EVI5: variants seen among roughly 807,000 people sequenced by gnomAD.
The protein encoded by EVI5 is ecotropic viral integration site 5.
A neutral mutation model predicts 112.0 loss-of-function variants in EVI5; 73 were observed. The observed-to-expected ratio is 0.65, with a 90% CI of 0.54 to 0.79. The LOEUF is 0.79. EVI5 is among the 30% of genes least tolerant of loss of function. The pLI, the probability that EVI5 is intolerant of heterozygous loss-of-function variation, is 0.00. For synonymous variants in EVI5, 305 were observed against 319.9 expected (o/e 0.95, Z 0.50); for missense variants, 900 against 968.8 (o/e 0.93, Z 0.94).
At chr1:92,645,094 G>A (rs1364145296) in intron 13 of EVI5, among the ~76,000 whole-genome samples, 4 of 152,242 alleles carry the variant, frequency 2.6e-5, no homozygotes, top group East Asian at 1.9e-4. Flanking sequence ...CAGGGATGTC[G>A]AAGACCTGAA....
At position 92,694,246 on chromosome 1, in the gene EVI5, C is replaced by T. The variant is rs950522120; in HGVS notation, c.999+53G>A. Reference sequence around the variant, plus strand: ...CGCCACTGCACTCCAGCCTGGGCAACAGAACTAAACTCTGTCTCAAAAAAA... The same window carrying T: ...CGCCACTGCACTCCAGCCTGGGCAATAGAACTAAACTCTGTCTCAAAAAAA... On this transcript the variant is annotated intron_variant, in intron 8 of 19. Transcript: ENST00000684568. 9.1e-6 allele frequency: 10 copies of T among 1,098,340 alleles called. No homozygotes were observed. In the African/African-American group the frequency reaches 1.1e-4, roughly 12 times the overall value. 68.0% of individuals were successfully genotyped at this position (1,098,340 alleles called of 1,614,324 possible).
At position 92,610,790 on chromosome 1, in the gene EVI5, G is replaced by GA. The variant is rs916239686; in HGVS notation, c.1828-3064dup. Among the ~76,000 whole-genome samples the GA allele has an allele frequency of 2.9e-3, 434 of 147,170 alleles. 6 individuals are homozygous for GA. Among genetic ancestry groups the GA allele is most frequent in the African/African-American group, 0.01 (403 of 40,184 alleles). On this transcript the variant is annotated intron_variant, in intron 16 of 19. Coordinates refer to ENST00000684568, the MANE Select transcript of EVI5 (RefSeq NM_001350197.2). The stretch of plus-strand genomic sequence containing the variant: ...CTAATATGGGTTGCAGGATAAAATA[G>GA]AAAAAAAAAAGTGAGATATGATGGT...
chr1:92,553,274 G>A lies in EVI5; in HGVS notation c.2166+10368C>T, dbSNP rs992622404. Among the ~76,000 whole-genome samples the A allele has an allele frequency of 1.3e-5, 2 of 150,080 alleles. 1 individual carries two copies. Among genetic ancestry groups the A allele is most frequent in the African/African-American group, 4.9e-5 (2 of 40,648 alleles). ...GCCTCCCAAGTAGCTGGAACTATAG[G>A]GGCATGCCACCACACCTGGCCAATT... On this transcript the variant is annotated intron_variant, in intron 19 of 19. Coordinates refer to ENST00000684568, the MANE Select transcript of EVI5 (RefSeq NM_001350197.2).
At chr1:92,663,297 A>G (rs10747450) in intron 12 of EVI5, 123 bp downstream of exon 12, 432,170 of 471,150 alleles carry the variant, frequency 0.92, 198,485 homozygotes, top group East Asian at 0.98. Context: ...ACCACCCAAA[A>G]AATTATTTCT....
intron 4 of EVI5, among the ~76,000 whole-genome samples, chr1:92,702,886 A>C (rs1046089556): frequency 4.6e-5 from 7 of 152,208 alleles, no homozygotes; most frequent in African/African-American, 1.7e-4. Context: ...AGGATTGGCG[A>C]AATTGAAATG....
At chr1:92,781,576 T>A (rs1558254189) in intron 1 of EVI5, among the ~76,000 whole-genome samples, 2 of 152,024 alleles carry the variant, frequency 1.3e-5, no homozygotes, top group Admixed American at 6.6e-5. Context: ...TATTCTCAGG[T>A]TAGGCATTGA....
intron 9 of EVI5, among the ~76,000 whole-genome samples, chr1:92,693,592 C>T (rs547318374): frequency 1.3e-5 from 2 of 152,156 alleles, no homozygotes; most frequent in Admixed American, 6.5e-5. Context: ...TTCTAGTCAA[C>T]GTGGAAAAGG....
intron 19 of EVI5, among the ~76,000 whole-genome samples, chr1:92,547,257 G>C (rs370760387): frequency 1.2e-4 from 18 of 152,092 alleles, no homozygotes; most frequent in Admixed American, 1.0e-3. Context: ...TACTGGGTAC[G>C]TAACGAAATG....
rs78845184 is a variant in EVI5 at position 92,633,811 on chromosome 1, G to A, written c.1527+2391C>T. Among the ~76,000 whole-genome samples the A allele has an allele frequency of 2.2e-4, 33 of 152,246 alleles. No homozygotes were observed. In the East Asian group the frequency reaches 5.6e-3, roughly 26 times the overall value. On this transcript the variant is annotated intron_variant, in intron 14 of 19. Coordinates refer to ENST00000684568, the MANE Select transcript of EVI5 (RefSeq NM_001350197.2). ...TACAATTTGGCATGTTTTTGCAGTGGCTGGTACCAGCTGTTCCTTTCCATG... is the reference window on the plus strand; with the variant it reads ...TACAATTTGGCATGTTTTTGCAGTGACTGGTACCAGCTGTTCCTTTCCATG...
intron 2 of EVI5, among the ~76,000 whole-genome samples, chr1:92,730,404 G>A (rs936331836): frequency 2.6e-5 from 4 of 151,762 alleles, no homozygotes; most frequent in Admixed American, 6.6e-5. Flanking sequence ...AATGGAAAGC[G>A]GCTGGTCACA....
At chr1:92,587,188 A>G (rs897075861) in intron 18 of EVI5, among the ~76,000 whole-genome samples, 1 of 152,198 alleles carries the variant, frequency 6.6e-6, no homozygotes, top group Admixed American at 6.5e-5. Flanking sequence ...ATCCCTAATG[A>G]CTAGATAGCA....
chr1:92,561,077 TGTTTAAGTGACCAG>T (rs1224321500), intron 19 of EVI5, among the ~76,000 whole-genome samples: 1 of 152,142 alleles, frequency 6.6e-6, no homozygotes, highest in Non-Finnish European at 1.5e-5. Context: ...CACTCTGAAA[TGTTTAAGTGACCAG>T]GTTTTCTTTT....
intron 9 of EVI5, among the ~76,000 whole-genome samples, chr1:92,688,417 T>C (rs902060972): frequency 5.3e-5 from 8 of 152,162 alleles, no homozygotes; most frequent in Non-Finnish European, 1.0e-4. Context: ...TGCTTTGCTC[T>C]CTCAGGGGAT....
intron 19 of EVI5, among the ~76,000 whole-genome samples, chr1:92,561,729 A>G (rs1371210304): frequency 2.0e-5 from 3 of 151,782 alleles, no homozygotes; most frequent in Non-Finnish European, 4.4e-5. Context: ...CCTCCGCCTC[A>G]CAGGTTCAAG....
At chr1:92,699,155 A>T (rs1462950265) in intron 5 of EVI5, among the ~76,000 whole-genome samples, 1 of 151,882 alleles carries the variant, frequency 6.6e-6, no homozygotes, top group East Asian at 1.9e-4. Context: ...CAAAACCTGC[A>T]CTTCTTCCTT....
intron 18 of EVI5, among the ~76,000 whole-genome samples, chr1:92,579,936 TC>T (rs2101073933): frequency 1.3e-5 from 2 of 152,294 alleles, no homozygotes; most frequent in African/African-American, 4.8e-5. Context: ...TCTTCAAGCT[TC>T]TCTTTAACCT....
chr1:92,665,633 T>G (rs1004413051), intron 11 of EVI5, among the ~76,000 whole-genome samples: 4 of 152,192 alleles, frequency 2.6e-5, no homozygotes, highest in Admixed American at 2.6e-4. Flanking sequence ...TATATCAGAA[T>G]GGACTCCCAA....
At chr1:92,614,843 TATA>T (rs1652692714) in intron 16 of EVI5, among the ~76,000 whole-genome samples, 1 of 2,242 alleles carries the variant, frequency 4.5e-4, no homozygotes, top group Non-Finnish European at 7.6e-4. Flanking sequence ...TTATATTTTA[TATA>T]TATATATATA....
At chr1:92,519,649 T>G (rs531181321) in intron 19 of EVI5, among the ~76,000 whole-genome samples, 2 of 152,174 alleles carry the variant, frequency 1.3e-5, no homozygotes, top group East Asian at 3.9e-4. Flanking sequence ...TCCTAGCACT[T>G]TGGGAGGCTG....
Sources: gnomAD v4.1 joint callset for allele counts (sites outside exome capture counted in the v4.1 genomes callset) on GRCh38, gnomAD v4.1.1 for gene constraint, MANE v1.5 for transcripts, NCBI Gene and HGNC (gene_info 2026-07-23, HGNC 2026-07-21) for gene names.